ARHGEF1: variants seen among roughly 807,000 people sequenced by gnomAD.
ARHGEF1 encodes the protein 115 kDa guanine nucleotide exchange factor.
A neutral mutation model predicts 119.7 loss-of-function variants in ARHGEF1; 40 were observed. The ratio of observed to expected loss-of-function variants is 0.33; its 90% CI spans 0.26 to 0.44. The LOEUF (loss-of-function observed/expected upper bound fraction) is 0.44. Among genes scored for constraint, ARHGEF1 ranks in the 20% least tolerant of loss-of-function variants. The probability of loss-of-function intolerance (pLI) is 1.00; values close to 1 mark genes in which losing one functional copy is unlikely to be tolerated. For synonymous variants in ARHGEF1, 494 were observed against 521.0 expected, an observed-to-expected ratio of 0.95 and a Z score of 0.71; for missense variants, 976 against 1,268.3, an observed-to-expected ratio of 0.77 and a Z score of 3.50.
chr19:41,897,111 C>CGCTCCTGCCTCCTGGT, intron 13 of ARHGEF1: 1 of 376,536 alleles, frequency 2.7e-6, no homozygotes, highest in Non-Finnish European at 5.2e-6. Flanking sequence ...CCCCCCGCCT[C>CGCTCCTGCCTCCTGGT]GCTCCTGCCT....
chr19:41,906,173 C>A lies in ARHGEF1; in HGVS notation c.2491+148C>A, dbSNP rs1332542314. ...AACCCACCCAGCCTGCACCACTGTC[C>A]TGGGTGCCCACGTCCCTCTTCTGCA... On this transcript the variant is annotated intron_variant, in intron 26 of 28. Coordinates refer to ENST00000354532, the MANE Select transcript of ARHGEF1 (RefSeq NM_004706.4). This position sits in a 1 kb window ranked among gnomAD's most constrained non-coding sequence, Gnocchi z 4.5. 6.5e-6 allele frequency: 5 copies of A among 764,840 alleles called. No homozygotes were observed. The highest frequency in any genetic ancestry group is 2.1e-6 in the Non-Finnish European group (1 of 470,160). 47.4% of individuals were successfully genotyped at this position (764,840 alleles called of 1,614,324 possible).
Position 41,892,264 on chromosome 19 carries a change from C to G in ARHGEF1, c.325-67C>G. 1 of 1,602,346 alleles carries G rather than the reference C, an allele frequency of 6.2e-7. No individual in the cohort carries two copies. Among genetic ancestry groups the G allele is most frequent in the Non-Finnish European group, 8.5e-7 (1 of 1,171,774 alleles). On this transcript the variant is annotated intron_variant, in intron 5 of 28. Transcript: ENST00000354532. The surrounding 1 kb of genome is among the most constrained non-coding windows in gnomAD (Gnocchi z 6.3). ...CCCTCGCTTAGACCAGGGTTCCTGGCAGTCCTCCCGGCCTGCATCTCAGCA... is the reference window on the plus strand; with the variant it reads ...CCCTCGCTTAGACCAGGGTTCCTGGGAGTCCTCCCGGCCTGCATCTCAGCA...
At chr19:41,920,588 C>G (rs782764449), upstream of ARHGEF1, among the ~76,000 whole-genome samples, 1 of 152,090 alleles carries the variant, frequency 6.6e-6, no homozygotes, top group African/African-American at 2.4e-5. Flanking sequence ...GATGCACTCA[C>G]AGACAGGACA....
At chr19:41,921,167 A>C (rs1418228080), upstream of ARHGEF1, among the ~76,000 whole-genome samples, 1 of 151,694 alleles carries the variant, frequency 6.6e-6, no homozygotes, top group Non-Finnish European at 1.5e-5. This position sits in a 1 kb window ranked among gnomAD's most constrained non-coding sequence, Gnocchi z 4.4. Flanking sequence ...GGCGAGGCGG[A>C]GGGAGGTCTG....
chr19:41,921,791 C>A (rs2074843718), upstream of ARHGEF1, among the ~76,000 whole-genome samples: 1 of 151,942 alleles, frequency 6.6e-6, no homozygotes, highest in Non-Finnish European at 1.5e-5. The surrounding 1 kb of genome is among the most constrained non-coding windows in gnomAD (Gnocchi z 4.4). Flanking sequence ...GATTCCTCGT[C>A]CTCCGCCCCA....
chr19:41,906,614 G>C lies in ARHGEF1; in HGVS notation c.2649G>C (p.Gln883His). The change falls in exon 27 of 29, where the codon CAG becomes CAC. Residue 883 changes from glutamine to histidine, a missense_variant. Physicochemically the swap from Gln to His is conservative, Grantham distance 24. Around this residue, in one of 3 missense-constraint regions of ARHGEF1, gnomAD observed 171 missense variants for 180.6 expected, o/e 0.95. Transcript: ENST00000354532. This position sits in a 1 kb window ranked among gnomAD's most constrained non-coding sequence, Gnocchi z 4.5. The stretch of plus-strand genomic sequence containing the variant: ...TCAGCTTGGAGGAGACCATGAAGCA[G>C]CTGGAGGTGGGGCGGGACGGGCCAG... ...NLLSLEETMK[Q>H]LEELEEEFCR... 1 of 1,605,468 alleles carries C rather than the reference G, an allele frequency of 6.2e-7. No homozygotes were observed. The highest frequency in any genetic ancestry group is 8.5e-7 in the Non-Finnish European group (1 of 1,177,146).
chr19:41,924,517 T>G (rs1215922572), intron 1 of ARHGEF1, among the ~76,000 whole-genome samples: 1 of 151,962 alleles, frequency 6.6e-6, no homozygotes, highest in Non-Finnish European at 1.5e-5. Flanking sequence ...ACCATCACCC[T>G]CACCTTTATC....
intron 12 of ARHGEF1, 133 bp downstream of exon 12, chr19:41,895,619 C>T (rs2074472084): frequency 5.1e-6 from 5 of 979,458 alleles, no homozygotes; most frequent in Admixed American, 5.7e-5. Flanking sequence ...ATCCACTTCT[C>T]CCTGCTCCTG....
chr19:41,903,929 TC>T lies in ARHGEF1; in HGVS notation c.1918-102del. The T allele has an allele frequency of 7.3e-7, 1 of 1,376,490 alleles. No individual in the cohort carries two copies. The highest frequency in any genetic ancestry group is 1.2e-5 in the South Asian group (1 of 81,886). The allele number at this position is 1,376,490 out of a possible 1,614,324, so 85.3% of individuals were successfully genotyped here. ...CCCCCACCTCATGCCAATCCCATGA[TC>T]CCCAGCCTGTGGTCATCCCCGGCCA... On this transcript the variant is annotated intron_variant, in intron 20 of 28. Transcript: ENST00000354532. The surrounding 1 kb of genome is among the most constrained non-coding windows in gnomAD (Gnocchi z 4.2).
chr19:41,913,284 T>TCGC (rs1450205527), intron 18 of ARHGEF1, among the ~76,000 whole-genome samples: 1 of 70,924 alleles, frequency 1.4e-5, no homozygotes, highest in Non-Finnish European at 2.9e-5. Flanking sequence ...CGCCCGCCGC[T>TCGC]CGCGCCCCGC....
intron 7 of ARHGEF1, among the ~76,000 whole-genome samples, 159 bp downstream of exon 7, chr19:41,893,008 C>A (rs1019593090): frequency 1.3e-5 from 2 of 152,174 alleles, no homozygotes; most frequent in Non-Finnish European, 2.9e-5. Flanking sequence ...TTTTAACTCA[C>A]CTTGAATCCG....
At chr19:41,900,713 T>C (rs2074586871) in intron 14 of ARHGEF1, 1 of 150,838 alleles carries the variant, frequency 6.6e-6, no homozygotes, top group Non-Finnish European at 1.5e-5. Flanking sequence ...GGCAGGCAAA[T>C]GAGGACCATT....
chr19:41,889,215 A>G lies in ARHGEF1; in HGVS notation c.225+350A>G, dbSNP rs717225. The G allele has an allele frequency of 0.18, 37,717 of 213,628 alleles. 11,544 individuals carry two copies. Among genetic ancestry groups the G allele is most frequent in the African/African-American group, 0.7 (31,012 of 44,084 alleles). The allele number at this position is 213,628 out of a possible 1,614,324, so 13.2% of individuals were successfully genotyped here. The stretch of plus-strand genomic sequence containing the variant: ...CAGCCTGTGGCAGCACCTTTCCGTG[A>G]ACTCTAGGGGACCAAATTCTTCTCT... On this transcript the variant is annotated intron_variant, in intron 4 of 28. Transcript: ENST00000354532. This position sits in a 1 kb window ranked among gnomAD's most constrained non-coding sequence, Gnocchi z 4.0.
Position 41,905,440 on chromosome 19 carries a change from G to C in ARHGEF1, c.2336+179G>C, listed in dbSNP as rs570068691. The C allele has an allele frequency of 1.6e-6, 1 of 634,266 alleles. No individual in the cohort carries two copies. The highest frequency in any genetic ancestry group is 2.7e-6 in the Non-Finnish European group (1 of 366,138). The allele number at this position is 634,266 out of a possible 1,614,324, so 39.3% of individuals were successfully genotyped here. The stretch of plus-strand genomic sequence containing the variant: ...GACTGTGCGTGCATATATAGTGTGT[G>C]TATGCATGCATGTGTGCGTGTGCAT... On this transcript the variant is annotated intron_variant, in intron 24 of 28. Coordinates refer to ENST00000354532, the MANE Select transcript of ARHGEF1 (RefSeq NM_004706.4). The surrounding 1 kb of genome is among the most constrained non-coding windows in gnomAD (Gnocchi z 6.4).
intron 1 of ARHGEF1, among the ~76,000 whole-genome samples, chr19:41,925,480 G>C (rs1360586800): frequency 6.6e-6 from 1 of 152,132 alleles, no homozygotes; most frequent in Non-Finnish European, 1.5e-5. Flanking sequence ...GAGAGACCAG[G>C]AGAGGCAAAG....
Position 41,894,397 on chromosome 19 carries a change from TTTG to T in ARHGEF1, c.745-46_745-44del, listed in dbSNP as rs2074442320. On this transcript the variant is annotated intron_variant, in intron 9 of 28. Transcript: ENST00000354532. Reference sequence around the variant, plus strand: ...CTGGATACCTAGCGTCAAATTCTGCTTTGTTGTTGTCTCAGAGATGCTTAGCCT... The same window carrying T: ...CTGGATACCTAGCGTCAAATTCTGCTTTGTTGTCTCAGAGATGCTTAGCCT... The T allele has an allele frequency of 5.9e-6, 9 of 1,524,390 alleles. No individual in the cohort carries two copies. In the Admixed American group the frequency reaches 1.5e-4, roughly 25 times the overall value. 94.4% of individuals were successfully genotyped at this position (1,524,390 alleles called of 1,614,324 possible).
rs868964936 is a variant in ARHGEF1 at position 41,896,412 on chromosome 19, C to T, written c.1051C>T (p.Pro351Ser). 6.8e-7 allele frequency: 1 copy of T among 1,464,056 alleles called. No individual in the cohort carries two copies. The highest frequency in any genetic ancestry group is 1.5e-5 in the South Asian group (1 of 66,340). 90.7% of individuals were successfully genotyped at this position (1,464,056 alleles called of 1,614,324 possible). ...CCCCCTGGAGCTGGGGGACTCATCC[C>T]CGCAGGGCCCAATGAGCCTGGAGTC... ...DAPLELGDSS[P>S]QGPMSLESLA... Residue 351 changes from proline to serine, a missense_variant, in exon 13 of 29, where the codon CCG becomes TCG. Pro to Ser is a moderately conservative substitution (Grantham distance 74, BLOSUM62 -1). Transcript: ENST00000354532.
chr19:41,922,958 A>G, upstream of ARHGEF1: 1 of 361,580 alleles, frequency 2.8e-6, no homozygotes. Context: ...TCCACCCTGC[A>G]CACACTCACT....
chr19:41,898,152 G>T, intron 13 of ARHGEF1: 2 of 1,408,402 alleles, frequency 1.4e-6, no homozygotes, highest in Non-Finnish European at 1.8e-6. Context: ...CACTAAGGCA[G>T]CCTGGAGAAT....
Sources: gnomAD v4.1 joint callset for allele counts (sites outside exome capture counted in the v4.1 genomes callset) on GRCh38, gnomAD v4.1.1 for gene constraint, gnomAD v4.1.1 regional missense constraint, Gnocchi (gnomAD v3.1) non-coding constraint, MANE v1.5 for transcripts, NCBI Gene and HGNC (gene_info 2026-07-23, HGNC 2026-07-21) for gene names.